SLC36A4: variants seen among roughly 807,000 people sequenced by gnomAD.
The protein encoded by SLC36A4 is neutral amino acid uniporter 4.
In SLC36A4, 49 loss-of-function variants were observed where a neutral mutation model predicts 50.5. The observed-to-expected ratio is 0.97, with a 90% CI of 0.77 to 1.23. The LOEUF (loss-of-function observed/expected upper bound fraction) is 1.23. Ranked by LOEUF, SLC36A4 falls within the 50% of genes most tolerant of loss-of-function variation. SLC36A4 has a pLI of 0.00. For synonymous variants in SLC36A4, 207 were observed against 206.5 expected, an observed-to-expected ratio of 1.00 and a Z score of -0.02; for missense variants, 611 against 608.4, an observed-to-expected ratio of 1.00 and a Z score of -0.05.
intron 9 of SLC36A4, chr11:93,155,468 A>G (rs1860313338): frequency 6.6e-6 from 1 of 152,124 alleles, no homozygotes; most frequent in Admixed American, 6.6e-5. Context: ...AGGTATATAA[A>G]CCTTGACATT....
Position 93,148,091 on chromosome 11 carries a change from A to T in SLC36A4, c.*446T>A. On this transcript the variant is annotated 3_prime_UTR_variant, in exon 11 of 11. Transcript: ENST00000326402. The stretch of plus-strand genomic sequence containing the variant: ...GATTTTTTTTTTTTACACTGTACAT[A>T]AAGTTTACTTTGGCATTCACAGGGA... 6.5e-6 allele frequency: 1 copy of T among 153,926 alleles called. No homozygotes were observed. The highest frequency in any genetic ancestry group is 1.9e-4 in the East Asian group (1 of 5,214). The allele number at this position is 153,926 out of a possible 1,614,324, so 9.5% of individuals were successfully genotyped here.
At chr11:93,170,023 T>C (rs1861056695) in intron 6 of SLC36A4, 1 of 152,022 alleles carries the variant, frequency 6.6e-6, no homozygotes, top group African/African-American at 2.4e-5. Context: ...CTATCACAAA[T>C]ATAGTATTTT....
intron 3 of SLC36A4, 144 bp from the exon 4 acceptor site, chr11:93,183,038 T>G (rs1483405339): frequency 3.4e-6 from 2 of 584,126 alleles, no homozygotes; most frequent in African/African-American, 3.8e-5. Flanking sequence ...GGAAAACTAA[T>G]AAACTTGATG....
At chr11:93,191,159 T>C (rs1294142646) in intron 1 of SLC36A4, among the ~76,000 whole-genome samples, 1 of 152,252 alleles carries the variant, frequency 6.6e-6, no homozygotes. Flanking sequence ...TAGTCATTTA[T>C]AACTTTTAGA....
intron 9 of SLC36A4, chr11:93,160,015 T>A (rs1489067749): frequency 2.0e-6 from 2 of 985,252 alleles, no homozygotes; most frequent in Non-Finnish European, 2.4e-6. Flanking sequence ...CGAGGCCTCT[T>A]GTGTGAAGCA....
At chr11:93,184,369 G>T (rs1035582721) in intron 3 of SLC36A4, 61 bp downstream of exon 3, 1 of 989,000 alleles carries the variant, frequency 1.0e-6, no homozygotes, top group Non-Finnish European at 1.6e-6. Flanking sequence ...CCAGATATTA[G>T]GTTGCTATAA....
chr11:93,169,394 C>G (rs887573459), intron 6 of SLC36A4, among the ~76,000 whole-genome samples: 1 of 152,068 alleles, frequency 6.6e-6, no homozygotes, highest in East Asian at 1.9e-4. Context: ...TACTGCAACC[C>G]AGAAAGGAGG....
intron 6 of SLC36A4, 60 bp downstream of exon 6, chr11:93,180,737 T>C: frequency 1.8e-6 from 2 of 1,128,730 alleles, no homozygotes; most frequent in South Asian, 2.6e-5. Flanking sequence ...AGAAGATATA[T>C]GAAGCCATAA....
rs1859926526 is a variant in SLC36A4, at chr11:93,148,415, A to G, written c.*122T>C. On this transcript the variant is annotated 3_prime_UTR_variant, in exon 11 of 11. Transcript: ENST00000326402. Reference sequence around the variant, plus strand: ...AGTTATGATTACTTCCAAAATATTAATATCGTGCCAAAGAAAACAGAGTTT... The same window carrying G: ...AGTTATGATTACTTCCAAAATATTAGTATCGTGCCAAAGAAAACAGAGTTT... 2.3e-6 allele frequency: 2 copies of G among 877,918 alleles called. No homozygotes were observed. The highest frequency in any genetic ancestry group is 3.6e-6 in the Non-Finnish European group (2 of 557,102). 54.4% of individuals were successfully genotyped at this position (877,918 alleles called of 1,614,324 possible). A position where few individuals can be genotyped will look rare whatever the true frequency, so the allele number is the denominator to read the frequency against.
At position 93,145,443 on chromosome 11, in the gene SLC36A4, A is replaced by T. The variant is rs1050843358; in HGVS notation, c.*3094T>A. 2 of 152,020 alleles carry T rather than the reference A, an allele frequency of 1.3e-5. No homozygotes were observed. Among genetic ancestry groups the T allele is most frequent in the African/African-American group, 4.8e-5 (2 of 41,424 alleles). The allele number at this position is 152,020 out of a possible 1,614,324, so 9.4% of individuals were successfully genotyped here. On this transcript the variant is annotated 3_prime_UTR_variant, in exon 11 of 11. Coordinates refer to ENST00000326402, the MANE Select transcript of SLC36A4 (RefSeq NM_152313.4). ...TAACCAAGAATACGCTGTAGCTCTT[A>T]TTTTCTTAATTGTAAAGAAATCTGG...
chr11:93,192,885 T>C (rs1352470005), intron 1 of SLC36A4: 4 of 152,220 alleles, frequency 2.6e-5, no homozygotes, highest in Non-Finnish European at 5.9e-5. Flanking sequence ...ATGAAAATAA[T>C]AACTTCTATT....
Position 93,197,803 on chromosome 11 carries a change from G to T in SLC36A4, c.30C>A (p.Ala10=). The T allele has an allele frequency of 1.9e-6, 3 of 1,583,176 alleles. No individual in the cohort carries two copies. The highest frequency in any genetic ancestry group is 2.6e-6 in the Non-Finnish European group (3 of 1,172,698). Residue 10 remains alanine, a synonymous_variant, in exon 1 of 11, where the codon GCC becomes GCA. Coordinates refer to ENST00000326402, the MANE Select transcript of SLC36A4 (RefSeq NM_152313.4). The part of the protein sequence containing the change: MEAAATPAA[A]GAARREELDM... Reference sequence around the variant, plus strand: ...CTAGCTCCTCGCGCCTCGCCGCCCCGGCAGCCGCCGGCGTCGCCGCCGCTT... The same window carrying T: ...CTAGCTCCTCGCGCCTCGCCGCCCCTGCAGCCGCCGGCGTCGCCGCCGCTT...
At chr11:93,191,254 T>C (rs1367402953) in intron 1 of SLC36A4, among the ~76,000 whole-genome samples, 2 of 152,210 alleles carry the variant, frequency 1.3e-5, no homozygotes, top group Non-Finnish European at 2.9e-5. Flanking sequence ...TGCAGTAATA[T>C]GATTTCCTTA....
At chr11:93,170,409 T>A (rs1445743404) in intron 6 of SLC36A4, among the ~76,000 whole-genome samples, 1 of 152,096 alleles carries the variant, frequency 6.6e-6, no homozygotes, top group African/African-American at 2.4e-5. Context: ...TACATTTGTA[T>A]CTTTTACATT....
chr11:93,152,956 T>C (rs929669382), intron 10 of SLC36A4, among the ~76,000 whole-genome samples: 1 of 152,182 alleles, frequency 6.6e-6, no homozygotes, highest in African/African-American at 2.4e-5. Context: ...CATCAGAGTA[T>C]GGGCTTATTG....
intron 1 of SLC36A4, 134 bp downstream of exon 1, chr11:93,197,644 G>A: frequency 1.0e-6 from 1 of 983,796 alleles, no homozygotes; most frequent in Non-Finnish European, 1.5e-6. Context: ...TGCGGATGCT[G>A]ACCACGGGGT....
intron 6 of SLC36A4, among the ~76,000 whole-genome samples, chr11:93,177,457 C>T (rs991356897): frequency 2.0e-5 from 3 of 152,226 alleles, no homozygotes; most frequent in African/African-American, 4.8e-5. Context: ...TCTCTCAACT[C>T]GTCAAAGTCA....
chr11:93,176,481 T>C (rs1861477634), intron 6 of SLC36A4, among the ~76,000 whole-genome samples: 1 of 152,014 alleles, frequency 6.6e-6, no homozygotes, highest in East Asian at 1.9e-4. Flanking sequence ...GTGAATTTGA[T>C]CCTGTCATTA....
At position 93,182,831 on chromosome 11, in the gene SLC36A4, G is replaced by T. The variant is rs200901654; in HGVS notation, c.334C>A (p.Arg112Ser). 1 of 1,611,592 alleles carries T rather than the reference G, an allele frequency of 6.2e-7. No individual in the cohort carries two copies. Among genetic ancestry groups the T allele is most frequent in the African/African-American group, 1.3e-5 (1 of 74,782 alleles). The part of the protein sequence containing the change: ...ISVHCMHILV[R>S]CSHFLCLRFK... ...CTCAGACATAGAAAGTGACTGCAACGTACCAATATGTGCATACAGTGAACA... is the reference window on the plus strand; with the variant it reads ...CTCAGACATAGAAAGTGACTGCAACTTACCAATATGTGCATACAGTGAACA... The change falls in exon 4 of 11, where the codon CGT (arginine) becomes AGT (serine). Residue 112 changes from arginine to serine, a missense_variant. Physicochemically the swap from Arg to Ser is moderately radical, Grantham distance 110. Transcript: ENST00000326402.
Sources: allele counts gnomAD v4.1 joint callset (sites outside exome capture counted in the v4.1 genomes callset), GRCh38; gene constraint gnomAD v4.1.1; transcripts MANE v1.5; gene names NCBI Gene and HGNC (gene_info 2026-07-23, HGNC 2026-07-21).